NSL1: variants seen among roughly 807,000 people sequenced by gnomAD.
The protein encoded by NSL1 is NSL1 component of MIS12 kinetochore complex.
NSL1 carries 11 observed loss-of-function variants against 25.4 expected under a neutral mutation model. The ratio of observed to expected loss-of-function variants is 0.43; its 90% CI spans 0.27 to 0.72. The LOEUF is 0.72. Among genes scored for constraint, NSL1 ranks in the 30% least tolerant of loss-of-function variants. The probability of loss-of-function intolerance (pLI) is 0.19; values close to 1 mark genes in which losing one functional copy is unlikely to be tolerated. For synonymous variants in NSL1, 118 were observed against 120.6 expected (o/e 0.98, Z 0.14); for missense variants, 330 against 342.7 (o/e 0.96, Z 0.29).
Position 212,727,945 on chromosome 1 carries a change from A to G in NSL1, c.*10463T>C, listed in dbSNP as rs1454080005. The G allele has an allele frequency of 4.1e-6, 4 of 985,300 alleles. No individual in the cohort carries two copies. The East Asian group carries it at 4.5e-4, about 112-fold the overall frequency. 61.0% of individuals were successfully genotyped at this position (985,300 alleles called of 1,614,324 possible). ...GAGGTCGCTGTGGTGTAGCGGTGAG[A>G]GCGTCTGAGACTCTGGACAAGGCCT... is the stretch of plus-strand genomic sequence containing the variant. On this transcript the variant is annotated 3_prime_UTR_variant, in exon 6 of 6. Coordinates refer to ENST00000366977, the MANE Select transcript of NSL1 (RefSeq NM_015471.4).
rs1571859344 is a variant in NSL1 at position 212,735,366 on chromosome 1, G to C, written c.*3042C>G. Reference sequence around the variant, plus strand: ...ATGAATAAATGAATGAAGGTGGATAGAGAAGATAGGTGTTCACCAGAAATC... The same window carrying C: ...ATGAATAAATGAATGAAGGTGGATACAGAAGATAGGTGTTCACCAGAAATC... On this transcript the variant is annotated 3_prime_UTR_variant, in exon 6 of 6. Transcript: ENST00000366977. 1.0e-6 allele frequency: 1 copy of C among 985,466 alleles called. No individual in the cohort carries two copies. Among genetic ancestry groups the C allele is most frequent in the African/African-American group, 1.7e-5 (1 of 57,378 alleles). The allele number at this position is 985,466 out of a possible 1,614,324, so 61.0% of individuals were successfully genotyped here.
rs187852030 is a variant in NSL1 at position 212,746,926 on chromosome 1, A to C, written c.500-7325T>G. On this transcript the variant is annotated intron_variant, in intron 4 of 5. Coordinates refer to ENST00000366977, the MANE Select transcript of NSL1 (RefSeq NM_015471.4). ...TTTGGGAGGCTGAGGTGGGTGGATCACTTGAGCCAGAAGTTCGAGACCAGC... is the reference window on the plus strand; with the variant it reads ...TTTGGGAGGCTGAGGTGGGTGGATCCCTTGAGCCAGAAGTTCGAGACCAGC... 6.9e-4 allele frequency among the ~76,000 whole-genome samples: 105 copies of C among 152,296 alleles called. 2 individuals carry two copies. In the East Asian group the frequency reaches 8.1e-3, roughly 12 times the overall value.
rs184262100 is a variant in NSL1 at position 212,731,038 on chromosome 1, A to T, written c.*7370T>A. ...AATTACAAGGGATTCTTTACCCCTG[A>T]AGCTTCAAATGAATATAACATTAAT... On this transcript the variant is annotated 3_prime_UTR_variant, in exon 6 of 6. Coordinates refer to ENST00000366977, the MANE Select transcript of NSL1 (RefSeq NM_015471.4). The T allele has an allele frequency of 3.1e-4, 310 of 985,428 alleles. 2 individuals are homozygous for T. The African/African-American group carries it at 3.7e-3, about 12-fold the overall frequency. The allele number at this position is 985,428 out of a possible 1,614,324, so 61.0% of individuals were successfully genotyped here. A position where few individuals can be genotyped will look rare whatever the true frequency, so the allele number is the denominator to read the frequency against.
chr1:212,783,808 C>T lies in NSL1; in HGVS notation c.444+555G>A, dbSNP rs140435904. Among the ~76,000 whole-genome samples, 28 of 152,282 alleles carry T rather than the reference C, an allele frequency of 1.8e-4. No homozygotes were observed. In the East Asian group the frequency reaches 3.5e-3, roughly 19 times the overall value. On this transcript the variant is annotated intron_variant, in intron 3 of 5. Transcript: ENST00000366977. ...GTAATTATAAGAAGGAAGTCTACGGCTCTGCTTGTCTAAAAAGCTCGTGCT... is the reference window on the plus strand; with the variant it reads ...GTAATTATAAGAAGGAAGTCTACGGTTCTGCTTGTCTAAAAAGCTCGTGCT...
In NSL1 at chr1:212,738,427, T is replaced by G; in HGVS notation, c.827A>C (p.Lys276Thr). Residue 276 changes from lysine (K) to threonine (T), a missense_variant, in exon 6 of 6, where the codon AAA becomes ACA. Coordinates refer to ENST00000366977, the MANE Select transcript of NSL1 (RefSeq NM_015471.4). The part of the protein sequence containing the change: ...QRKWYPLRPK[K>T]INLDT ...AAGAGCTCATGTATCAAGATTAATT[T>G]TCTTTGGCCGCAATGGATACCATTT... 2 of 1,611,550 alleles carry G rather than the reference T, an allele frequency of 1.2e-6. No homozygotes were observed. The highest frequency in any genetic ancestry group is 1.7e-6 in the Non-Finnish European group (2 of 1,179,132).
intron 4 of NSL1, among the ~76,000 whole-genome samples, chr1:212,747,892 G>A (rs1052304815): frequency 2.0e-5 from 3 of 152,110 alleles, no homozygotes; most frequent in African/African-American, 7.2e-5. Flanking sequence ...AGCCTCCTGA[G>A]TAGCTGGGAC....
intron 1 of NSL1, among the ~76,000 whole-genome samples, chr1:212,790,738 C>G (rs1457899647): frequency 6.6e-6 from 1 of 151,692 alleles, no homozygotes; most frequent in African/African-American, 2.4e-5. Context: ...CTGGCTAACA[C>G]GGTGAAACCC....
intron 4 of NSL1, among the ~76,000 whole-genome samples, chr1:212,741,762 G>A (rs966481592): frequency 6.6e-6 from 1 of 152,144 alleles, no homozygotes; most frequent in Non-Finnish European, 1.5e-5. Context: ...ATACAGCTGA[G>A]CAGTAGGTAC....
intron 4 of NSL1, among the ~76,000 whole-genome samples, chr1:212,774,045 G>A (rs1660241894): frequency 6.6e-6 from 1 of 152,146 alleles, no homozygotes; most frequent in Non-Finnish European, 1.5e-5. Context: ...GCTGGGAAGG[G>A]TATGTGCGGA....
intron 4 of NSL1, among the ~76,000 whole-genome samples, chr1:212,742,215 C>T (rs111921534): frequency 1.2e-4 from 19 of 152,242 alleles, no homozygotes; most frequent in African/African-American, 4.6e-4. Context: ...ATACCAAAGA[C>T]ATAATGAAGT....
chr1:212,781,682 T>C (rs1341274614), intron 4 of NSL1, among the ~76,000 whole-genome samples: 3 of 152,256 alleles, frequency 2.0e-5, no homozygotes, highest in Non-Finnish European at 4.4e-5. Flanking sequence ...TTAACTGTTT[T>C]ATCCTAACAG....
intron 2 of NSL1, among the ~76,000 whole-genome samples, chr1:212,786,367 A>G (rs1660945509): frequency 1.3e-5 from 2 of 152,142 alleles, no homozygotes; most frequent in Admixed American, 6.5e-5. Flanking sequence ...TCCATTAAAA[A>G]AGTTAAATAA....
chr1:212,737,627 T>A lies in NSL1; in HGVS notation c.*781A>T, dbSNP rs1658286377. The A allele has an allele frequency of 3.2e-6, 3 of 944,634 alleles. No individual in the cohort carries two copies. The highest frequency in any genetic ancestry group is 3.8e-6 in the Non-Finnish European group (3 of 792,622). The allele number at this position is 944,634 out of a possible 1,614,324, so 58.5% of individuals were successfully genotyped here. ...ACACAATGACACTTTGCCAGTGTAT[T>A]AATCTGATATATATTTTGAACTGGA... is the stretch of plus-strand genomic sequence containing the variant. On this transcript the variant is annotated 3_prime_UTR_variant, in exon 6 of 6. Transcript: ENST00000366977.
intron 5 of NSL1, 35 bp from the exon 6 acceptor site, chr1:212,738,721 T>A (rs975015881): frequency 6.5e-7 from 1 of 1,549,642 alleles, no homozygotes; most frequent in Non-Finnish European, 8.8e-7. Context: ...TCAACATTAA[T>A]CTCAGGTTGA....
At chr1:212,751,288 A>T (rs571196626) in intron 4 of NSL1, among the ~76,000 whole-genome samples, 1 of 152,224 alleles carries the variant, frequency 6.6e-6, no homozygotes, top group Non-Finnish European at 1.5e-5. Context: ...GCTGACATAC[A>T]TTCTCAATCA....
At chr1:212,780,473 C>T (rs1660677958) in intron 4 of NSL1, among the ~76,000 whole-genome samples, 1 of 135,026 alleles carries the variant, frequency 7.4e-6, no homozygotes, top group East Asian at 2.1e-4. Context: ...AAATCCCCCT[C>T]TGTGAGAAAC....
rs558944536 is a variant in NSL1 at position 212,734,660 on chromosome 1, G to A, written c.*3748C>T. ...GGCTTTGCTTCTTTTATTCAATATA[G>A]TATCTTTGATATTGATCCACATTGT... On this transcript the variant is annotated 3_prime_UTR_variant, in exon 6 of 6. Transcript: ENST00000366977. 7.2e-5 allele frequency among the ~76,000 whole-genome samples: 11 copies of A among 152,184 alleles called. No individual in the cohort carries two copies. In the East Asian group the frequency reaches 1.9e-3, roughly 27 times the overall value.
chr1:212,779,991 G>A lies in NSL1; in HGVS notation c.499+2381C>T, dbSNP rs1332443046. Among the ~76,000 whole-genome samples the A allele has an allele frequency of 9.2e-5, 14 of 151,972 alleles. No homozygotes were observed. The South Asian group carries it at 1.5e-3, about 16-fold the overall frequency. On this transcript the variant is annotated intron_variant, in intron 4 of 5. Transcript: ENST00000366977. ...AGCCCCTCTGCCCGGCCGCCACCCC[G>A]TCTGGGAGGTGTACCCAACAGCTCA...
intron 4 of NSL1, among the ~76,000 whole-genome samples, chr1:212,757,302 G>C (rs1659361490): frequency 6.6e-6 from 1 of 152,112 alleles, no homozygotes; most frequent in African/African-American, 2.4e-5. Context: ...ATTATAATGG[G>C]GAGCCACTGG....
Sources: gnomAD v4.1 joint callset for allele counts (sites outside exome capture counted in the v4.1 genomes callset) on GRCh38, gnomAD v4.1.1 for gene constraint, MANE v1.5 for transcripts, NCBI Gene and HGNC (gene_info 2026-07-23, HGNC 2026-07-21) for gene names.